SNAP29: variants seen among roughly 807,000 people sequenced by gnomAD.
The protein encoded by SNAP29 is synaptosomal-associated protein 29.
In SNAP29, 13 loss-of-function variants were observed where a neutral mutation model predicts 27.9. The ratio of observed to expected loss-of-function variants is 0.47; its 90% confidence interval spans 0.30 to 0.74. The LOEUF (loss-of-function observed/expected upper bound fraction) is 0.74, where lower values mean the gene tolerates loss of function less well. SNAP29 is among the 30% of genes least tolerant of loss of function. SNAP29 has a pLI of 0.06. For synonymous variants in SNAP29, 119 were observed against 127.1 expected, an observed-to-expected ratio of 0.94 and a Z score of 0.43; for missense variants, 368 against 336.5, an observed-to-expected ratio of 1.09 and a Z score of -0.73.
At position 20,888,151 on chromosome 22, in the gene SNAP29, T is replaced by C; in HGVS notation, c.*315T>C. On this transcript the variant is annotated 3_prime_UTR_variant, in exon 5 of 5. Coordinates refer to ENST00000215730, the MANE Select transcript of SNAP29 (RefSeq NM_004782.4). ...AGAAGAGTTGCATTTCTCATTTTAA[T>C]GAGCATATGGAAAGATGGGAACAGA... is the stretch of plus-strand genomic sequence containing the variant. 1 of 377,318 alleles carries C rather than the reference T, an allele frequency of 2.7e-6. No homozygotes were observed. Among genetic ancestry groups the C allele is most frequent in the Non-Finnish European group, 5.0e-6 (1 of 198,230 alleles). The allele number at this position is 377,318 out of a possible 1,614,324, so 23.4% of individuals were successfully genotyped here. A position where few individuals can be genotyped will look rare whatever the true frequency, so the allele number is the denominator to read the frequency against.
chr22:20,867,103 A>G (rs913107121), intron 1 of SNAP29, among the ~76,000 whole-genome samples: 4 of 152,358 alleles, frequency 2.6e-5, no homozygotes, highest in Middle Eastern at 3.4e-3. Flanking sequence ...CCATCAGGAC[A>G]GAGACTTGGG....
intron 4 of SNAP29, 41 bp from the exon 5 acceptor site, chr22:20,887,638 A>G: frequency 6.2e-7 from 1 of 1,612,998 alleles, no homozygotes; most frequent in Non-Finnish European, 8.5e-7. Flanking sequence ...AGGTGCCGTG[A>G]CTGTTTGCTC....
At chr22:20,862,452 G>A (rs902060191) in intron 1 of SNAP29, among the ~76,000 whole-genome samples, 4 of 152,212 alleles carry the variant, frequency 2.6e-5, no homozygotes, top group African/African-American at 9.7e-5. Flanking sequence ...CCTGGGTCCA[G>A]AGGAGGGACA....
rs554284669 is a variant in SNAP29, at chr22:20,875,179, A to G, written c.434+4646A>G. ...TCAGTGAGGCAGCCATAGTTATTTC[A>G]GTGAGGTGGGCTTTGTCTCTTGGGA... On this transcript the variant is annotated intron_variant, in intron 2 of 4. Transcript: ENST00000215730. 2.6e-5 allele frequency among the ~76,000 whole-genome samples: 4 copies of G among 152,254 alleles called. No individual in the cohort carries two copies. The South Asian group carries it at 6.2e-4, about 24-fold the overall frequency.
chr22:20,861,462 A>G (rs1928317917), intron 1 of SNAP29, among the ~76,000 whole-genome samples: 1 of 151,650 alleles, frequency 6.6e-6, no homozygotes, highest in Admixed American at 6.6e-5. Context: ...GTTTGAGACA[A>G]AGTCTTACTC....
chr22:20,890,021 C>T lies in SNAP29; in HGVS notation c.*2185C>T. ...TTTCTGGAAATTTGTCTTCGTCTGA[C>T]ATATTAGAGGGCCTCGTTTTGTCCT... On this transcript the variant is annotated 3_prime_UTR_variant, in exon 5 of 5. Transcript: ENST00000215730. 2.7e-6 allele frequency: 1 copy of T among 367,846 alleles called. No homozygotes were observed. Among genetic ancestry groups the T allele is most frequent in the Non-Finnish European group, 4.8e-6 (1 of 207,452 alleles). 22.8% of individuals were successfully genotyped at this position (367,846 alleles called of 1,614,324 possible). A position where few individuals can be genotyped will look rare whatever the true frequency, so the allele number is the denominator to read the frequency against.
chr22:20,883,342 T>C, intron 3 of SNAP29, 129 bp from the exon 4 acceptor site: 1 of 684,578 alleles, frequency 1.5e-6, no homozygotes, highest in Non-Finnish European at 2.7e-6. Flanking sequence ...CTCATCCCTC[T>C]GGATAGCCTC....
chr22:20,873,271 A>T (rs1928641287), intron 2 of SNAP29, among the ~76,000 whole-genome samples: 1 of 151,994 alleles, frequency 6.6e-6, no homozygotes, highest in Admixed American at 6.6e-5. Flanking sequence ...TCGGCCTCCC[A>T]AAGTGCTAGG....
Position 20,878,694 on chromosome 22 carries a change from G to A in SNAP29, c.435-2355G>A, listed in dbSNP as rs189496873. On this transcript the variant is annotated intron_variant, in intron 2 of 4. Coordinates refer to ENST00000215730, the MANE Select transcript of SNAP29 (RefSeq NM_004782.4). ...TGGGAGTAGCGCTGTGCAGGGGGAG[G>A]GCAAAAATTGCGAGTAACCCTGATT... Among the ~76,000 whole-genome samples, 36 of 152,224 alleles carry A rather than the reference G, an allele frequency of 2.4e-4. No individual in the cohort carries two copies. In the Middle Eastern group the frequency reaches 0.01, roughly 43 times the overall value.
intron 1 of SNAP29, among the ~76,000 whole-genome samples, chr22:20,862,297 CAAT>C (rs1928343827): frequency 6.6e-6 from 1 of 152,168 alleles, no homozygotes; most frequent in South Asian, 2.1e-4. Context: ...AGTAGGGAAT[CAAT>C]GATTCAAAGT....
rs982573462 is a variant in SNAP29, at chr22:20,865,147, G to A, written c.238-5190G>A. ...AGGCAGGTGGATCCCTTGAACCCAG[G>A]AGTTCAAGATCAGCCTGGGGAATGT... On this transcript the variant is annotated intron_variant, in intron 1 of 4. Coordinates refer to ENST00000215730, the MANE Select transcript of SNAP29 (RefSeq NM_004782.4). Among the ~76,000 whole-genome samples, 4 of 152,156 alleles carry A rather than the reference G, an allele frequency of 2.6e-5. No individual in the cohort carries two copies. The East Asian group carries it at 7.7e-4, about 29-fold the overall frequency.
chr22:20,860,106 C>G (rs1928225392), intron 1 of SNAP29, among the ~76,000 whole-genome samples: 1 of 151,832 alleles, frequency 6.6e-6, no homozygotes, highest in Non-Finnish European at 1.5e-5. Context: ...AATCCCAGCA[C>G]TTTGGGAGGC....
intron 1 of SNAP29, among the ~76,000 whole-genome samples, chr22:20,868,196 GCT>G (rs1928504946): frequency 6.6e-6 from 1 of 152,212 alleles, no homozygotes; most frequent in Non-Finnish European, 1.5e-5. Flanking sequence ...TACATTAGCA[GCT>G]CTTTTTTCTT....
intron 1 of SNAP29, among the ~76,000 whole-genome samples, chr22:20,861,150 G>A (rs1236915127): frequency 1.8e-5 from 2 of 108,734 alleles, no homozygotes; most frequent in Non-Finnish European, 3.4e-5. Context: ...ACAGATTCTC[G>A]CTCTGTCACC....
At chr22:20,864,371 A>AGTT (rs1928408220) in intron 1 of SNAP29, among the ~76,000 whole-genome samples, 1 of 152,168 alleles carries the variant, frequency 6.6e-6, no homozygotes, top group Admixed American at 6.5e-5. Context: ...AGCACACAAC[A>AGTT]GTCACCCACA....
chr22:20,872,762 C>T (rs1308843313), intron 2 of SNAP29, among the ~76,000 whole-genome samples: 1 of 146,726 alleles, frequency 6.8e-6, no homozygotes, highest in Non-Finnish European at 1.5e-5. Flanking sequence ...TCTCAAACTC[C>T]TGACCTCAGG....
At chr22:20,874,349 C>CCACA (rs361854) in intron 2 of SNAP29, among the ~76,000 whole-genome samples, 209 of 123,550 alleles carry the variant, frequency 1.7e-3, no homozygotes, top group African/African-American at 2.2e-3. Flanking sequence ...CGAAAATTAG[C>CCACA]CACACACACA....
intron 4 of SNAP29, among the ~76,000 whole-genome samples, chr22:20,884,923 G>A (rs1928977425): frequency 6.6e-6 from 1 of 152,070 alleles, no homozygotes; most frequent in South Asian, 2.1e-4. Context: ...TTACAGACAT[G>A]CACCACCATG....
chr22:20,871,621 G>A (rs1285232638), intron 2 of SNAP29, among the ~76,000 whole-genome samples: 2 of 151,976 alleles, frequency 1.3e-5, no homozygotes, highest in African/African-American at 4.8e-5. Context: ...GGTGGCTCAC[G>A]CCTATAATCC....
Sources: gnomAD v4.1 joint callset for allele counts (sites outside exome capture counted in the v4.1 genomes callset) on GRCh38, gnomAD v4.1.1 for gene constraint, MANE v1.5 for transcripts, NCBI Gene and HGNC (gene_info 2026-07-23, HGNC 2026-07-21) for gene names.